The following PTGR3 variants were observed in gnomAD, a reference collection of about 807,000 sequenced individuals.
PTGR3 encodes the protein zinc binding alcohol dehydrogenase domain containing 2.
the PTGR3 span, chr18:75,208,901 C>G: frequency 1.3e-6 from 2 of 1,569,524 alleles, no homozygotes; most frequent in Non-Finnish European, 1.7e-6. Context: ...CGGGCAGTCC[C>G]GGCTCAGGGT....
chr18:75,201,865 C>T, the PTGR3 span: 61 of 1,614,164 alleles, frequency 3.8e-5, no homozygotes, highest in Admixed American at 4.7e-4. Flanking sequence ...ACGGTACCTA[C>T]GGGTTCAGTT....
At chr18:75,208,110 G>A in the PTGR3 span, among the ~76,000 whole-genome samples, 51,237 of 152,174 alleles carry the variant, frequency 0.34, 10,639 homozygotes, top group East Asian at 0.47. Context: ...GGGGAGCGCG[G>A]GGAATGGAAA....
the PTGR3 span, chr18:75,205,380 C>T: frequency 2.0e-6 from 2 of 985,624 alleles, no homozygotes; most frequent in Non-Finnish European, 1.2e-6. Flanking sequence ...TACCCCCACC[C>T]CCCCTTTAAT....
At chr18:75,201,729 C>A in the PTGR3 span, 2 of 1,614,100 alleles carry the variant, frequency 1.2e-6, no homozygotes, top group African/African-American at 1.3e-5. Context: ...AGTTTGGTAG[C>A]CAGAGATAAA....
At chr18:75,198,455 A>G in the PTGR3 span, 1 of 152,242 alleles carries the variant, frequency 6.6e-6, no homozygotes, top group Non-Finnish European at 1.5e-5. Context: ...ATGAAATCAT[A>G]TAATGACAAG....
At chr18:75,208,536 T>G in the PTGR3 span, 2 of 1,064,104 alleles carry the variant, frequency 1.9e-6, no homozygotes, top group East Asian at 6.3e-5. Flanking sequence ...CTGGGTCCCG[T>G]CGGTTTTATT....
chr18:75,196,608 G>A, the PTGR3 span: 2 of 142,392 alleles, frequency 1.4e-5, no homozygotes, highest in Non-Finnish European at 3.0e-5. Context: ...CTCCAGCCTG[G>A]GTGACAGAGC....
At chr18:75,208,302 G>T in the PTGR3 span, 2 of 981,302 alleles carry the variant, frequency 2.0e-6, no homozygotes, top group Non-Finnish European at 2.4e-6. Context: ...GACAACACCG[G>T]CGAGGTGCAC....
chr18:75,208,795 C>CA, the PTGR3 span: 5 of 1,332,382 alleles, frequency 3.8e-6, no homozygotes, highest in African/African-American at 3.1e-5. Flanking sequence ...CGGCGCGGCG[C>CA]GGCGCGAGCC....
the PTGR3 span, chr18:75,196,536 G>A: frequency 1.3e-5 from 2 of 151,214 alleles, no homozygotes; most frequent in South Asian, 2.1e-4. Flanking sequence ...GGAGACTGAG[G>A]TGGGAGGATG....
chr18:75,200,673 T>G, the PTGR3 span: 2 of 152,150 alleles, frequency 1.3e-5, no homozygotes, highest in African/African-American at 4.8e-5. Flanking sequence ...CCCCCTAATC[T>G]CTGTGGTTTC....
the PTGR3 span, among the ~76,000 whole-genome samples, chr18:75,205,919 G>C: frequency 6.6e-6 from 1 of 152,062 alleles, no homozygotes; most frequent in African/African-American, 2.4e-5. Context: ...CCGTCCCTTA[G>C]CCATTCCTAC....
chr18:75,206,991 G>A, the PTGR3 span, among the ~76,000 whole-genome samples: 1 of 152,212 alleles, frequency 6.6e-6, no homozygotes, highest in Non-Finnish European at 1.5e-5. Flanking sequence ...TTGGGGAAGG[G>A]GAAAGGGAGG....
the PTGR3 span, chr18:75,201,586 T>A: frequency 6.2e-7 from 1 of 1,614,122 alleles, no homozygotes; most frequent in Non-Finnish European, 8.5e-7. Flanking sequence ...CTCACACACA[T>A]CTCGAGCAAG....
At chr18:75,202,231 G>A in the PTGR3 span, 1 of 1,614,038 alleles carries the variant, frequency 6.2e-7, no homozygotes, top group Non-Finnish European at 8.5e-7. Context: ...GAGAGGCCTA[G>A]GGCCACCACC....
chr18:75,201,757 G>A, the PTGR3 span: 20 of 1,614,080 alleles, frequency 1.2e-5, no homozygotes, highest in East Asian at 2.2e-5. Flanking sequence ...ACTATCAAGC[G>A]CCCTTTCGTA....
At chr18:75,202,087 C>A in the PTGR3 span, 1 of 1,614,098 alleles carries the variant, frequency 6.2e-7, no homozygotes, top group Non-Finnish European at 8.5e-7. Flanking sequence ...GTGCCACTTA[C>A]CAGCAGGGTA....
chr18:75,197,217 C>T, the PTGR3 span: 1 of 152,036 alleles, frequency 6.6e-6, no homozygotes, highest in African/African-American at 2.4e-5. Flanking sequence ...TGATAGCAAA[C>T]AGGGTGACTA....
the PTGR3 span, among the ~76,000 whole-genome samples, chr18:75,205,007 G>A: frequency 6.6e-6 from 1 of 152,210 alleles, no homozygotes; most frequent in Non-Finnish European, 1.5e-5. Flanking sequence ...CGGTGAAGGA[G>A]GCTTAGGCTG....
Sources: allele counts gnomAD v4.1 joint callset (sites outside exome capture counted in the v4.1 genomes callset), GRCh38; gene constraint gnomAD v4.1.1; transcripts MANE v1.5; gene names NCBI Gene and HGNC (gene_info 2026-07-23, HGNC 2026-07-21).